Variants in IL1RAPL1 observed in about 807,000 individuals in gnomAD.
IL1RAPL1 encodes interleukin 1 receptor accessory protein like 1, also known as interleukin-1 receptor accessory protein-like 1.
In IL1RAPL1, 3 loss-of-function variants were observed where a neutral mutation model predicts 48.4. That is an observed-to-expected ratio of 0.06 (90% CI 0.03 to 0.16). IL1RAPL1 has a LOEUF of 0.16. Ranked by LOEUF, IL1RAPL1 falls within the 10% of genes least tolerant of loss-of-function variation. IL1RAPL1 has a pLI of 1.00. For missense variants in IL1RAPL1, 349 were observed against 530.6 expected (o/e 0.66, Z 3.36); for synonymous variants, 185 against 187.7 (o/e 0.99, Z 0.12).
chrX:29,813,714 C>T (rs190311881), intron 6 of IL1RAPL1, among the ~76,000 whole-genome samples: 44 of 110,819 alleles, frequency 4.0e-4, no homozygotes, highest in African/African-American at 1.1e-3. Flanking sequence ...GTACCCAATA[C>T]GTAGTTTTTC....
chrX:29,573,541 A>G (rs941308195), intron 5 of IL1RAPL1, among the ~76,000 whole-genome samples: 13 of 112,297 alleles, frequency 1.2e-4, no homozygotes, highest in African/African-American at 4.2e-4. Flanking sequence ...GGTGAGGCAA[A>G]TATTCTGAGG....
At chrX:29,465,436 T>A (rs897467330) in intron 5 of IL1RAPL1, among the ~76,000 whole-genome samples, 2 of 111,987 alleles carry the variant, frequency 1.8e-5, no homozygotes, top group African/African-American at 6.5e-5. Context: ...TATGCAATAC[T>A]TTGTAAATGC....
At chrX:29,345,955 T>C (rs562766829) in intron 3 of IL1RAPL1, among the ~76,000 whole-genome samples, 2 of 112,265 alleles carry the variant, frequency 1.8e-5, no homozygotes, top group South Asian at 7.3e-4. Flanking sequence ...TAATATCTAC[T>C]CTAAAATAGG....
intron 6 of IL1RAPL1, among the ~76,000 whole-genome samples, chrX:29,819,049 G>A (rs765010495): frequency 1.3e-4 from 14 of 111,338 alleles, no homozygotes; most frequent in Non-Finnish European, 2.4e-4. Flanking sequence ...GAGCCCCCAC[G>A]TCAGCCTTAT....
intron 5 of IL1RAPL1, among the ~76,000 whole-genome samples, chrX:29,634,267 T>G (rs1199505265): frequency 9.0e-6 from 1 of 111,500 alleles, no homozygotes; most frequent in Admixed American, 9.6e-5. Flanking sequence ...ACAATCCACT[T>G]AAGAAAGTTA....
chrX:28,680,754 A>T (rs1935050522), intron 1 of IL1RAPL1, among the ~76,000 whole-genome samples: 1 of 112,041 alleles, frequency 8.9e-6, no homozygotes, highest in African/African-American at 3.2e-5. Context: ...TTAATGTGGT[A>T]TATCACATTG....
At chrX:29,887,786 G>A (rs775297771) in intron 6 of IL1RAPL1, among the ~76,000 whole-genome samples, 6 of 110,686 alleles carry the variant, frequency 5.4e-5, no homozygotes, top group African/African-American at 9.9e-5. Flanking sequence ...TAATAAGTTC[G>A]TCCTCTTTTG....
intron 5 of IL1RAPL1, among the ~76,000 whole-genome samples, chrX:29,546,036 G>C (rs931551295): frequency 4.5e-5 from 5 of 111,330 alleles, no homozygotes. Context: ...TGACATCTTC[G>C]GGGAGGATGC....
At chrX:29,128,209 G>A (rs757234269) in intron 2 of IL1RAPL1, among the ~76,000 whole-genome samples, 1 of 111,045 alleles carries the variant, frequency 9.0e-6, no homozygotes, top group African/African-American at 3.3e-5. Flanking sequence ...TGAGCATCAT[G>A]TAATGCCCTA....
intron 2 of IL1RAPL1, among the ~76,000 whole-genome samples, chrX:29,198,213 G>C (rs947788926): frequency 2.7e-5 from 3 of 111,695 alleles, no homozygotes; most frequent in African/African-American, 9.7e-5. Context: ...CCTGTTCTTG[G>C]TCACAGTAGT....
At chrX:29,615,035 A>C (rs1924242456) in intron 5 of IL1RAPL1, among the ~76,000 whole-genome samples, 1 of 112,003 alleles carries the variant, frequency 8.9e-6, no homozygotes, top group African/African-American at 3.2e-5. Context: ...TTGCTGGATG[A>C]TACATAGATG....
chrX:29,102,292 G>A lies in IL1RAPL1; in HGVS notation c.83-180646G>A, dbSNP rs1393532824. Among the ~76,000 whole-genome samples the A allele has an allele frequency of 3.6e-5, 4 of 112,088 alleles. 1 individual carries two copies. ...GACAAAGATGCCCACTTTCACCACT[G>A]CTATTCAGTGTAGTACTGGAAGTCC... On this transcript the variant is annotated intron_variant, in intron 2 of 10. Coordinates refer to ENST00000378993, the MANE Select transcript of IL1RAPL1 (RefSeq NM_014271.4).
intron 2 of IL1RAPL1, among the ~76,000 whole-genome samples, chrX:29,198,292 T>TC (rs1491127671): frequency 5.4e-5 from 6 of 110,222 alleles, no homozygotes; most frequent in Non-Finnish European, 5.7e-5. Flanking sequence ...GTTTTTTTTT[T>TC]CTTTTTTTCT....
chrX:29,437,860 G>A (rs1244264306), intron 5 of IL1RAPL1, among the ~76,000 whole-genome samples: 1 of 110,093 alleles, frequency 9.1e-6, no homozygotes, highest in East Asian at 2.8e-4. Flanking sequence ...GTCAATGAGG[G>A]GTGTTTGACG....
In IL1RAPL1 at chrX:29,409,796, G is replaced by A. The variant is rs182513276; in HGVS notation, c.703+10488G>A. Among the ~76,000 whole-genome samples the A allele has an allele frequency of 5.2e-3, 554 of 106,369 alleles. 6 individuals carry two copies. Among genetic ancestry groups the A allele is most frequent in the African/African-American group, 0.018 (526 of 29,358 alleles). 92.4% of individuals were successfully genotyped at this position (106,369 alleles called of 115,157 possible). On this transcript the variant is annotated intron_variant, in intron 5 of 10. Coordinates refer to ENST00000378993, the MANE Select transcript of IL1RAPL1 (RefSeq NM_014271.4). ...AGTTAACACCTACTGAGTGTTCACCGTGTGCCAGGATCTGTTCTAAATTCT... is the reference window on the plus strand; with the variant it reads ...AGTTAACACCTACTGAGTGTTCACCATGTGCCAGGATCTGTTCTAAATTCT...
chrX:29,535,213 T>TTACCAGTTG (rs1363761017), intron 5 of IL1RAPL1, among the ~76,000 whole-genome samples: 1 of 109,410 alleles, frequency 9.1e-6, no homozygotes, highest in Non-Finnish European at 1.9e-5. Context: ...ACTATTATCT[T>TTACCAGTTG]TACCAGTTGT....
At chrX:29,574,257 G>A (rs1922699312) in intron 5 of IL1RAPL1, 2 of 109,143 alleles carry the variant, frequency 1.8e-5, no homozygotes, top group Non-Finnish European at 3.8e-5. Flanking sequence ...ACAGCAAGGG[G>A]AAAATCTGCC....
intron 3 of IL1RAPL1, among the ~76,000 whole-genome samples, chrX:29,370,840 T>A (rs969811866): frequency 9.0e-6 from 1 of 110,739 alleles, no homozygotes; most frequent in African/African-American, 3.3e-5. Flanking sequence ...TATATTTTTG[T>A]ATTTTCTTTT....
intron 2 of IL1RAPL1, among the ~76,000 whole-genome samples, chrX:29,082,086 G>A (rs772382103): frequency 4.5e-5 from 5 of 111,453 alleles, no homozygotes; most frequent in Non-Finnish European, 7.5e-5. Context: ...CTTGGTTACC[G>A]GGCTATAGTT....
Sources: allele counts gnomAD v4.1 joint callset (sites outside exome capture counted in the v4.1 genomes callset), GRCh38; gene constraint gnomAD v4.1.1; transcripts MANE v1.5; gene names NCBI Gene and HGNC (gene_info 2026-07-23, HGNC 2026-07-21).